RBFOX3: variants seen among roughly 807,000 people sequenced by gnomAD.
The protein encoded by RBFOX3 is RNA binding protein fox-1 homolog 3.
Under a neutral mutation model 48.7 loss-of-function variants are expected in RBFOX3, and 17 were observed. The observed-to-expected ratio is 0.35, with a 90% CI of 0.24 to 0.52. The LOEUF is 0.52. Among genes scored for constraint, RBFOX3 ranks in the 20% least tolerant of loss-of-function variants. The pLI is 0.94. For missense variants in RBFOX3, 382 were observed against 497.5 expected, an observed-to-expected ratio of 0.77 and a Z score of 2.21; for synonymous variants, 212 against 209.5, an observed-to-expected ratio of 1.01 and a Z score of -0.10.
At chr17:79,192,949 G>A (rs954640922) in intron 4 of RBFOX3, among the ~76,000 whole-genome samples, 17 of 152,236 alleles carry the variant, frequency 1.1e-4, no homozygotes, top group South Asian at 6.2e-4. Context: ...AGGGAAGCAG[G>A]CTGCTGTGAG....
chr17:79,602,032 T>G (rs1254588809), intron 1 of RBFOX3: 1 of 152,252 alleles, frequency 6.6e-6, no homozygotes, highest in African/African-American at 2.4e-5. Flanking sequence ...GTTAAAAGCA[T>G]GCAGATTCTA....
intron 4 of RBFOX3, among the ~76,000 whole-genome samples, chr17:79,179,528 G>C (rs1023013837): frequency 6.7e-6 from 1 of 150,204 alleles, no homozygotes. Context: ...CCTCTCCCCC[G>C]GCCAGCCCCC....
chr17:79,179,943 G>A (rs552562762), intron 4 of RBFOX3, among the ~76,000 whole-genome samples: 1 of 152,358 alleles, frequency 6.6e-6, no homozygotes, highest in Non-Finnish European at 1.5e-5. Flanking sequence ...CGGCGCCCAA[G>A]TGGGGCTCCT....
intron 4 of RBFOX3, among the ~76,000 whole-genome samples, chr17:79,147,367 A>C (rs73999847): frequency 0.027 from 4,095 of 152,298 alleles, 87 homozygotes; most frequent in African/African-American, 0.058. Flanking sequence ...AAGATAATTA[A>C]CTAGGGAACA....
intron 3 of RBFOX3, among the ~76,000 whole-genome samples, chr17:79,268,119 G>T: frequency 6.6e-6 from 1 of 151,820 alleles, no homozygotes; most frequent in East Asian, 2.0e-4. Context: ...GAGTAGATGC[G>T]TTTCCTGGCT....
At chr17:79,590,818 G>T (rs2093395400) in intron 1 of RBFOX3, among the ~76,000 whole-genome samples, 1 of 152,132 alleles carries the variant, frequency 6.6e-6, no homozygotes, top group South Asian at 2.1e-4. Flanking sequence ...CTCAGCCCTG[G>T]GGTAAGAGTT....
intron 3 of RBFOX3, among the ~76,000 whole-genome samples, chr17:79,306,777 T>C (rs897592): frequency 0.49 from 75,090 of 152,118 alleles, 21,019 homozygotes; most frequent in Non-Finnish European, 0.61. Context: ...GTGCCGGGTG[T>C]CCTCCTCCAC....
At chr17:79,194,861 A>G (rs2055252354) in intron 4 of RBFOX3, among the ~76,000 whole-genome samples, 1 of 151,988 alleles carries the variant, frequency 6.6e-6, no homozygotes, top group African/African-American at 2.4e-5. Flanking sequence ...TGTCAAAATG[A>G]TCATATTCAG....
chr17:79,427,989 G>A (rs1196117402), intron 2 of RBFOX3, among the ~76,000 whole-genome samples: 2 of 152,180 alleles, frequency 1.3e-5, no homozygotes, highest in Non-Finnish European at 2.9e-5. Context: ...TTCACCTGAC[G>A]TGGCCACCAC....
At chr17:79,607,087 C>T (rs998511160) in intron 1 of RBFOX3, among the ~76,000 whole-genome samples, 1 of 152,142 alleles carries the variant, frequency 6.6e-6, no homozygotes, top group African/African-American at 2.4e-5. Context: ...GATGCTGCAG[C>T]TTATCAAAGG....
At chr17:79,314,145 C>T (rs1339790389) in intron 2 of RBFOX3, among the ~76,000 whole-genome samples, 1 of 152,190 alleles carries the variant, frequency 6.6e-6, no homozygotes, top group Admixed American at 6.5e-5. Flanking sequence ...GAATGGGTCA[C>T]TCTTGTTGTT....
At chr17:79,123,919 G>A (rs529987022) in intron 4 of RBFOX3, among the ~76,000 whole-genome samples, 3 of 152,286 alleles carry the variant, frequency 2.0e-5, no homozygotes, top group African/African-American at 4.8e-5. Context: ...CCATGTGGTC[G>A]GTACCACGAA....
chr17:79,340,282 G>C (rs1285188780), intron 2 of RBFOX3, among the ~76,000 whole-genome samples: 2 of 146,826 alleles, frequency 1.4e-5, no homozygotes, highest in African/African-American at 5.0e-5. Flanking sequence ...CTGGGCAATA[G>C]AGTGAGACTC....
intron 3 of RBFOX3, among the ~76,000 whole-genome samples, chr17:79,264,778 G>T (rs1449070168): frequency 6.6e-6 from 1 of 152,094 alleles, no homozygotes; most frequent in East Asian, 1.9e-4. Flanking sequence ...TGTGTATACT[G>T]CCAGAGGCGG....
the RBFOX3 span, among the ~76,000 whole-genome samples, chr17:79,662,132 C>CTTTTTTTT: frequency 5.2e-5 from 5 of 96,852 alleles, no homozygotes; most frequent in East Asian, 3.6e-4. Context: ...CCTGTTTATT[C>CTTTTTTTT]TTTTTTTTTT....
intron 3 of RBFOX3, among the ~76,000 whole-genome samples, chr17:79,248,493 G>A (rs1351745423): frequency 2.0e-5 from 3 of 152,182 alleles, no homozygotes; most frequent in South Asian, 4.1e-4. Flanking sequence ...CCTTCTACCC[G>A]GGAGGAGGCT....
intron 2 of RBFOX3, among the ~76,000 whole-genome samples, chr17:79,463,172 T>TCCACCG (rs1568294240): frequency 1.7e-5 from 1 of 59,028 alleles, no homozygotes; most frequent in Non-Finnish European, 4.4e-5. Context: ...CACTGCCACC[T>TCCACCG]CCACCGCCAT....
At chr17:79,281,183 C>T (rs1280432030) in intron 3 of RBFOX3, among the ~76,000 whole-genome samples, 1 of 152,244 alleles carries the variant, frequency 6.6e-6, no homozygotes, top group Non-Finnish European at 1.5e-5. Context: ...AAAATGGGAA[C>T]AGCCTTGTGG....
At chr17:79,547,699 G>GC (rs1282152002) in intron 1 of RBFOX3, among the ~76,000 whole-genome samples, 1 of 152,204 alleles carries the variant, frequency 6.6e-6, no homozygotes, top group Non-Finnish European at 1.5e-5. Context: ...CAGTCCAGGG[G>GC]CTGCCGTCCA....
Sources: gnomAD v4.1 joint callset for allele counts (sites outside exome capture counted in the v4.1 genomes callset) on GRCh38, gnomAD v4.1.1 for gene constraint, MANE v1.5 for transcripts, NCBI Gene and HGNC (gene_info 2026-07-23, HGNC 2026-07-21) for gene names.